SULT1B1: variants seen among roughly 807,000 people sequenced by gnomAD.
SULT1B1 encodes the protein sulfotransferase family 1B member 1.
Under a neutral mutation model 34.6 loss-of-function variants are expected in SULT1B1, and 28 were observed. The observed-to-expected ratio is 0.81, with a 90% CI of 0.60 to 1.11. SULT1B1 has a LOEUF of 1.11. Ranked by LOEUF, SULT1B1 falls within the 50% of genes least tolerant of loss-of-function variation. The pLI is 0.00. For synonymous variants in SULT1B1, 147 were observed against 110.2 expected (o/e 1.33, Z -2.09); for missense variants, 374 against 352.2 (o/e 1.06, Z -0.50).
At position 69,727,046 on chromosome 4, in the gene SULT1B1, A is replaced by G. The variant is rs1717857629; in HGVS notation, c.*42T>C. 2.7e-6 allele frequency: 4 copies of G among 1,478,488 alleles called. No individual in the cohort carries two copies. Among genetic ancestry groups the G allele is most frequent in the African/African-American group, 1.4e-5 (1 of 70,158 alleles). 91.6% of individuals were successfully genotyped at this position (1,478,488 alleles called of 1,614,324 possible). Reference sequence around the variant, plus strand: ...ATAACTGCCCTCGTTTCAATCAACTACAGACAATCTCTTATTTCTTCAGAT... The same window carrying G: ...ATAACTGCCCTCGTTTCAATCAACTGCAGACAATCTCTTATTTCTTCAGAT... On this transcript the variant is annotated 3_prime_UTR_variant, in exon 8 of 8. Transcript: ENST00000310613.
Position 69,724,068 on chromosome 4 carries a change from G to C in SULT1B1, c.*3020C>G, listed in dbSNP as rs1019914065. 1.3e-5 allele frequency: 2 copies of C among 152,046 alleles called. No homozygotes were observed. The highest frequency in any genetic ancestry group is 4.8e-5 in the African/African-American group (2 of 41,408). The allele number at this position is 152,046 out of a possible 1,614,324, so 9.4% of individuals were successfully genotyped here. A position where few individuals can be genotyped will look rare whatever the true frequency, so the allele number is the denominator to read the frequency against. ...AGAAATAAAGGGTATTCAATTAGGA[G>C]AAGAGGAAGTCAAATTGTCCCTGTT... On this transcript the variant is annotated 3_prime_UTR_variant, in exon 8 of 8. Transcript: ENST00000310613.
At chr4:69,742,636 A>C (rs1439717771) in intron 4 of SULT1B1, among the ~76,000 whole-genome samples, 1 of 152,074 alleles carries the variant, frequency 6.6e-6, no homozygotes, top group East Asian at 1.9e-4. Context: ...CCAGCCGGAA[A>C]CCTCTGTGGC....
rs1717700461 is a variant in SULT1B1, at chr4:69,722,900, T to G, written c.*4188A>C. Reference sequence around the variant, plus strand: ...AAGTAAGGGCCCAGGGTACTGTACCTTCAGCTTGAGAACCATGGCTTGGCA... The same window carrying G: ...AAGTAAGGGCCCAGGGTACTGTACCGTCAGCTTGAGAACCATGGCTTGGCA... On this transcript the variant is annotated 3_prime_UTR_variant, in exon 8 of 8. Coordinates refer to ENST00000310613, the MANE Select transcript of SULT1B1 (RefSeq NM_014465.4). 1 of 151,768 alleles carries G rather than the reference T, an allele frequency of 6.6e-6. No homozygotes were observed. Among genetic ancestry groups the G allele is most frequent in the African/African-American group, 2.4e-5 (1 of 41,324 alleles). The allele number at this position is 151,768 out of a possible 1,614,324, so 9.4% of individuals were successfully genotyped here. A position where few individuals can be genotyped will look rare whatever the true frequency, so the allele number is the denominator to read the frequency against.
chr4:69,727,015 C>A lies in SULT1B1; in HGVS notation c.*73G>T. 9.5e-7 allele frequency: 1 copy of A among 1,047,932 alleles called. No homozygotes were observed. The highest frequency in any genetic ancestry group is 1.8e-5 in the South Asian group (1 of 56,790). The allele number at this position is 1,047,932 out of a possible 1,614,324, so 64.9% of individuals were successfully genotyped here. ...TATAAATTCATTTGATTGCCCAAAT[C>A]AATTCATAACTGCCCTCGTTTCAAT... On this transcript the variant is annotated 3_prime_UTR_variant, in exon 8 of 8. Transcript: ENST00000310613.
intron 6 of SULT1B1, among the ~76,000 whole-genome samples, chr4:69,731,824 C>T (rs547531588): frequency 6.6e-6 from 1 of 152,114 alleles, no homozygotes; most frequent in South Asian, 2.1e-4. Context: ...TTGAATAAAG[C>T]ATTTTAGCTA....
intron 1 of SULT1B1, chr4:69,758,473 G>T: frequency 1.0e-6 from 1 of 985,046 alleles, no homozygotes; most frequent in Non-Finnish European, 1.2e-6. Flanking sequence ...TTAGCAAGTT[G>T]TTTCTTCCCA....
Position 69,755,194 on chromosome 4 carries a change from C to A in SULT1B1, c.24G>T (p.Leu8=), listed in dbSNP as rs1384276493. The change falls in exon 2 of 8, where the codon CTG becomes CTT. Residue 8 remains leucine, a synonymous_variant. Coordinates refer to ENST00000310613, the MANE Select transcript of SULT1B1 (RefSeq NM_014465.4). ...CATGGACCAACTTCAGATCTTTTCG[C>A]AGAATATCTTTTGGGGAAAGCATTT... is the stretch of plus-strand genomic sequence containing the variant. MLSPKDI[L]RKDLKLVHGY... is the part of the protein sequence containing the mutation. The A allele has an allele frequency of 1.2e-6, 2 of 1,613,668 alleles. No individual in the cohort carries two copies. The highest frequency in any genetic ancestry group is 1.7e-6 in the Non-Finnish European group (2 of 1,179,650).
chr4:69,746,400 T>A (rs1462630773), intron 4 of SULT1B1, among the ~76,000 whole-genome samples: 1 of 152,216 alleles, frequency 6.6e-6, no homozygotes, highest in East Asian at 1.9e-4. Flanking sequence ...TTTGTTCATT[T>A]TTTATATCCT....
rs893530208 is a variant in SULT1B1, at chr4:69,749,744, A to G, written c.352T>C (p.Ser118Pro). 4.3e-6 allele frequency: 7 copies of G among 1,613,548 alleles called. No individual in the cohort carries two copies. In the Admixed American group the frequency reaches 6.7e-5, roughly 15 times the overall value. The change falls in exon 4 of 8, where the codon TCT becomes CCT. Residue 118 changes from serine to proline, a missense_variant. Physicochemically the swap from Ser to Pro is moderately conservative, Grantham distance 74. Transcript: ENST00000310613. ...ACCTTGCAATTGTTTTCCCAGAAAG[A>G]TTTAGGAAGAAGATCAGTCGGTAGA... Reference protein sequence around the residue: ...THLPTDLLPKSFWENNCKMIY... With the variant: ...THLPTDLLPKPFWENNCKMIY...
chr4:69,747,089 C>G (rs1051356772), intron 4 of SULT1B1, among the ~76,000 whole-genome samples: 3 of 152,132 alleles, frequency 2.0e-5, no homozygotes, highest in African/African-American at 7.2e-5. Flanking sequence ...CTGATGTGTT[C>G]CCAATCTACT....
At chr4:69,742,188 T>G (rs1362190984) in intron 4 of SULT1B1, among the ~76,000 whole-genome samples, 1 of 152,228 alleles carries the variant, frequency 6.6e-6, no homozygotes, top group African/African-American at 2.4e-5. Flanking sequence ...TTTGCATGTA[T>G]TGAGCTAACT....
chr4:69,754,802 T>C lies in SULT1B1; in HGVS notation c.149-4A>G. On this transcript the variant is annotated splice_polypyrimidine_tract_variant and splice_region_variant and intron_variant, in intron 2 of 7. Transcript: ENST00000310613. ...ATTTCACTAACCCAAGTAGTACCTG[T>C]GACAAAAGGCAACATTTTCAAAATA... The C allele has an allele frequency of 6.2e-7, 1 of 1,607,574 alleles. No homozygotes were observed. The highest frequency in any genetic ancestry group is 1.1e-5 in the South Asian group (1 of 89,472).
intron 4 of SULT1B1, among the ~76,000 whole-genome samples, chr4:69,735,112 C>G (rs1461118390): frequency 1.3e-5 from 2 of 152,146 alleles, no homozygotes; most frequent in South Asian, 2.1e-4. Flanking sequence ...ACCATCGTGC[C>G]CGGCCTTTTG....
At position 69,759,951 on chromosome 4, in the gene SULT1B1, C is replaced by T. The variant is rs556184896; in HGVS notation, c.-45+508G>A. ...GAAACTGAGTCATTTTACATTAAAA[C>T]TATATTTTTCCATCAATTAGAAAAA... On this transcript the variant is annotated intron_variant, in intron 1 of 7. Transcript: ENST00000310613. 1.2e-4 allele frequency among the ~76,000 whole-genome samples: 18 copies of T among 152,308 alleles called. No homozygotes were observed. The South Asian group carries it at 3.7e-3, about 32-fold the overall frequency.
chr4:69,736,918 G>A (rs1348988671), intron 4 of SULT1B1, among the ~76,000 whole-genome samples: 1 of 151,932 alleles, frequency 6.6e-6, no homozygotes, highest in African/African-American at 2.4e-5. Flanking sequence ...AGGTGGAAGA[G>A]TAAGGAACTG....
At position 69,746,551 on chromosome 4, in the gene SULT1B1, A is replaced by G. The variant is rs536009882; in HGVS notation, c.375+3170T>C. 9.5e-4 allele frequency among the ~76,000 whole-genome samples: 144 copies of G among 152,172 alleles called. No individual in the cohort carries two copies. The Middle Eastern group carries it at 0.01, about 11-fold the overall frequency. ...CTTTAGTGCATTTTTTATTTCCAGAAGTTCAGTTTTGTTCTTTCTCAACGT... is the reference window on the plus strand; with the variant it reads ...CTTTAGTGCATTTTTTATTTCCAGAGGTTCAGTTTTGTTCTTTCTCAACGT... On this transcript the variant is annotated intron_variant, in intron 4 of 7. Transcript: ENST00000310613.
intron 1 of SULT1B1, among the ~76,000 whole-genome samples, chr4:69,756,178 T>G (rs759121353): frequency 6.6e-6 from 1 of 152,192 alleles, no homozygotes; most frequent in Non-Finnish European, 1.5e-5. Context: ...CTAAGTACGG[T>G]TATAATGATT....
At chr4:69,731,786 G>A (rs925041023) in intron 6 of SULT1B1, among the ~76,000 whole-genome samples, 5 of 152,144 alleles carry the variant, frequency 3.3e-5, no homozygotes, top group Non-Finnish European at 7.4e-5. Flanking sequence ...TAACCGGTTA[G>A]ACTATAAATC....
intron 4 of SULT1B1, among the ~76,000 whole-genome samples, chr4:69,737,894 C>T (rs777359877): frequency 5.9e-5 from 9 of 151,962 alleles, no homozygotes; most frequent in East Asian, 3.9e-4. Context: ...GTCCAGTGGG[C>T]GCATGTGCAG....
Sources: allele counts gnomAD v4.1 joint callset (sites outside exome capture counted in the v4.1 genomes callset), GRCh38; gene constraint gnomAD v4.1.1; transcripts MANE v1.5; gene names NCBI Gene and HGNC (gene_info 2026-07-23, HGNC 2026-07-21).